The following TMC2 variants were observed in gnomAD, a reference collection of about 807,000 sequenced individuals.
The protein encoded by TMC2 is transmembrane channel like 2.
In TMC2, 102 loss-of-function variants were observed where a neutral mutation model predicts 105.9. The observed-to-expected ratio is 0.96, with a 90% CI of 0.82 to 1.14. The LOEUF (loss-of-function observed/expected upper bound fraction) is 1.14. TMC2 is among the 50% of genes most tolerant of loss of function. TMC2 has a pLI of 0.00. For missense variants in TMC2, 1,093 were observed against 1,134.3 expected (o/e 0.96, Z 0.52); for synonymous variants, 402 against 422.8 (o/e 0.95, Z 0.60).
At chr20:2,624,766 G>GAGGGC (rs890252712) in intron 17 of TMC2, among the ~76,000 whole-genome samples, 12 of 152,192 alleles carry the variant, frequency 7.9e-5, no homozygotes. Context: ...TAACAGAGAT[G>GAGGGC]AGGGCACCAG....
intron 7 of TMC2, among the ~76,000 whole-genome samples, chr20:2,586,109 T>C (rs1431024154): frequency 6.6e-6 from 1 of 152,164 alleles, no homozygotes; most frequent in Non-Finnish European, 1.5e-5. Flanking sequence ...TCAAGGCCTC[T>C]AAAAATCTTA....
intron 16 of TMC2, among the ~76,000 whole-genome samples, chr20:2,621,851 A>G (rs913620140): frequency 2.0e-5 from 3 of 152,204 alleles, no homozygotes; most frequent in African/African-American, 7.2e-5. Flanking sequence ...TCTGGCCTCC[A>G]GAACTGTAAG....
intron 2 of TMC2, among the ~76,000 whole-genome samples, chr20:2,553,754 C>T (rs561985289): frequency 6.6e-6 from 1 of 152,176 alleles, no homozygotes; most frequent in East Asian, 1.9e-4. Context: ...AAATATAGGC[C>T]TATTCAGATT....
chr20:2,563,437 T>G (rs1165212185), intron 4 of TMC2, among the ~76,000 whole-genome samples: 1 of 152,222 alleles, frequency 6.6e-6, no homozygotes, highest in Non-Finnish European at 1.5e-5. Context: ...AAATCTGCAC[T>G]GTGTAACATA....
At position 2,630,244 on chromosome 20, in the gene TMC2, A is replaced by G. The variant is rs566972351; in HGVS notation, c.2307-5682A>G. Among the ~76,000 whole-genome samples the G allele has an allele frequency of 6.6e-5, 10 of 152,192 alleles. No individual in the cohort carries two copies. The South Asian group carries it at 1.7e-3, about 25-fold the overall frequency. Reference sequence around the variant, plus strand: ...ACTTTTAGAGTTGTTCAAGTCTACTATTTTCTTGTTGACCTTCTAATTGTT... The same window carrying G: ...ACTTTTAGAGTTGTTCAAGTCTACTGTTTTCTTGTTGACCTTCTAATTGTT... On this transcript the variant is annotated intron_variant, in intron 17 of 19. Coordinates refer to ENST00000358864, the MANE Select transcript of TMC2 (RefSeq NM_080751.3).
chr20:2,610,694 A>T, intron 12 of TMC2, 96 bp downstream of exon 12: 1 of 683,206 alleles, frequency 1.5e-6, no homozygotes, highest in Non-Finnish European at 2.0e-6. Flanking sequence ...AATTCATATT[A>T]ATTAAATAAA....
At chr20:2,585,006 T>C (rs192304887) in intron 7 of TMC2, among the ~76,000 whole-genome samples, 57 of 152,336 alleles carry the variant, frequency 3.7e-4, no homozygotes, top group Admixed American at 3.7e-3. Context: ...CAACCAATGA[T>C]TGATTTCTGA....
chr20:2,628,918 C>T (rs527684026), intron 17 of TMC2, among the ~76,000 whole-genome samples: 11 of 152,214 alleles, frequency 7.2e-5, no homozygotes, highest in African/African-American at 1.7e-4. Context: ...CTGGCTAACA[C>T]GGTGAAACCC....
chr20:2,571,789 CAGG>C (rs1476343296), intron 4 of TMC2, among the ~76,000 whole-genome samples: 1 of 152,182 alleles, frequency 6.6e-6, no homozygotes. Context: ...TGCTTGAGCT[CAGG>C]AGGTCAAGAG....
chr20:2,628,975 G>A (rs1214024774), intron 17 of TMC2, among the ~76,000 whole-genome samples: 2 of 151,328 alleles, frequency 1.3e-5, no homozygotes, highest in African/African-American at 2.4e-5. Flanking sequence ...GGTGGCGGGC[G>A]CCTGTGGTCC....
At position 2,609,833 on chromosome 20, in the gene TMC2, G is replaced by A. The variant is rs957417104; in HGVS notation, c.1414-586G>A. The stretch of plus-strand genomic sequence containing the variant: ...TGCAGGGATTTACTTTCCACTGGGT[G>A]AGCAGTTGTTTTTTGTTTGTTTTTG... On this transcript the variant is annotated intron_variant, in intron 11 of 19. Transcript: ENST00000358864. Among the ~76,000 whole-genome samples, 6 of 152,084 alleles carry A rather than the reference G, an allele frequency of 3.9e-5. 1 individual carries two copies. The highest frequency in any genetic ancestry group is 4.2e-4 in the South Asian group (2 of 4,806).
chr20:2,592,203 T>C lies in TMC2; in HGVS notation c.835-107T>C. 2 of 643,980 alleles carry C rather than the reference T, an allele frequency of 3.1e-6. No individual in the cohort carries two copies. Among genetic ancestry groups the C allele is most frequent in the African/African-American group, 1.8e-5 (1 of 54,316 alleles). 39.9% of individuals were successfully genotyped at this position (643,980 alleles called of 1,614,324 possible). A position where few individuals can be genotyped will look rare whatever the true frequency, so the allele number is the denominator to read the frequency against. ...ATAAATACATAAAGAAAGAAGAAAA[T>C]AGGTGTATTCCGCTCTGAGAAGGAA... On this transcript the variant is annotated intron_variant, in intron 7 of 19. Transcript: ENST00000358864. This position sits in a 1 kb window ranked among gnomAD's most constrained non-coding sequence, Gnocchi z 4.9.
At chr20:2,599,653 GCTGGTCTCAAATTC>G (rs2086337020) in intron 10 of TMC2, among the ~76,000 whole-genome samples, 1 of 147,918 alleles carries the variant, frequency 6.8e-6, no homozygotes, top group African/African-American at 2.5e-5. Flanking sequence ...TGTTGCCCAG[GCTGGTCTCAAATTC>G]CTGGCCTCAA....
At chr20:2,625,622 CCA>C (rs2086559122) in intron 17 of TMC2, among the ~76,000 whole-genome samples, 1 of 152,212 alleles carries the variant, frequency 6.6e-6, no homozygotes, top group African/African-American at 2.4e-5. Context: ...CATGAATAAG[CCA>C]CAGTTTATCC....
chr20:2,599,614 A>AT (rs1261788950), intron 10 of TMC2, among the ~76,000 whole-genome samples: 1 of 92,584 alleles, frequency 1.1e-5, no homozygotes, highest in African/African-American at 4.4e-5. Context: ...AAATTTTTCT[A>AT]TTTTTTGTAG....
intron 4 of TMC2, among the ~76,000 whole-genome samples, chr20:2,563,433 G>A (rs984114555): frequency 3.3e-5 from 5 of 152,166 alleles, no homozygotes; most frequent in Non-Finnish European, 4.4e-5. Flanking sequence ...GTCAAAATCT[G>A]CACTGTGTAA....
At chr20:2,537,928 T>C (rs1350360790) in intron 2 of TMC2, among the ~76,000 whole-genome samples, 1 of 152,026 alleles carries the variant, frequency 6.6e-6, no homozygotes, top group Non-Finnish European at 1.5e-5. Context: ...TGCTGTTTTC[T>C]CCCCCTTCAC....
intron 17 of TMC2, among the ~76,000 whole-genome samples, chr20:2,632,798 C>T (rs1017484926): frequency 2.0e-5 from 3 of 152,068 alleles, no homozygotes; most frequent in East Asian, 3.9e-4. Context: ...CCCATGTTGG[C>T]CAGGCTGGTC....
chr20:2,597,842 G>T (rs182491907), intron 10 of TMC2, among the ~76,000 whole-genome samples: 1 of 152,108 alleles, frequency 6.6e-6, no homozygotes, highest in Admixed American at 6.5e-5. Flanking sequence ...GCTGAGACCT[G>T]GTGCTGCCTG....
Sources: gnomAD v4.1 joint callset for allele counts (sites outside exome capture counted in the v4.1 genomes callset) on GRCh38, gnomAD v4.1.1 for gene constraint, Gnocchi (gnomAD v3.1) non-coding constraint, MANE v1.5 for transcripts, NCBI Gene and HGNC (gene_info 2026-07-23, HGNC 2026-07-21) for gene names.